Variants in TRPM1 observed in about 807,000 individuals in gnomAD.
The protein encoded by TRPM1 is TRPM1-203 APA Isoform, Intron 10.
Under a neutral mutation model 149.4 loss-of-function variants are expected in TRPM1, and 113 were observed. The ratio of observed to expected loss-of-function variants is 0.76; its 90% CI spans 0.65 to 0.88. The LOEUF (loss-of-function observed/expected upper bound fraction) is 0.88, where lower values mean the gene tolerates loss of function less well. Among genes scored for constraint, TRPM1 ranks in the 40% least tolerant of loss-of-function variants. The probability of loss-of-function intolerance (pLI) is 0.00; values close to 1 mark genes in which losing one functional copy is unlikely to be tolerated. For synonymous variants in TRPM1, 741 were observed against 759.5 expected (o/e 0.98, Z 0.40); for missense variants, 1,976 against 2,038.7 (o/e 0.97, Z 0.59).
At chr15:31,132,160 C>T (rs750774160) in intron 1 of TRPM1, among the ~76,000 whole-genome samples, 3 of 152,222 alleles carry the variant, frequency 2.0e-5, no homozygotes, top group Non-Finnish European at 4.4e-5. Context: ...TTGCATGGGC[C>T]TATTGGCAGC....
chr15:31,060,576 T>A lies in TRPM1; in HGVS notation c.1231A>T (p.Ser411Cys). Residue 411 changes from serine (S) to cysteine (C), a missense_variant, in exon 11 of 28, where the codon AGC (serine) becomes TGC (cysteine). Physicochemically the swap from Ser to Cys is moderately radical, Grantham distance 112. Around this residue, in one of 3 missense-constraint regions of TRPM1, gnomAD observed 1,332 missense variants for 1,347.1 expected, o/e 0.99. Transcript: ENST00000256552. The part of the protein sequence containing the change: ...LAWNRVDIAR[S>C]QIFVFGPHWP... ...TGGGGCCCAAAGACAAAGATCTGGC[T>A]TCGTGCTATGTCCACGCGGTTCCAA... The A allele has an allele frequency of 1.2e-6, 2 of 1,614,222 alleles. No individual in the cohort carries two copies. The highest frequency in any genetic ancestry group is 2.2e-5 in the South Asian group (2 of 91,082).
rs151283200 is a variant in TRPM1 at position 31,012,188 on chromosome 15, T to C, written c.3630-9118A>G. 9.3e-3 allele frequency among the ~76,000 whole-genome samples: 1,412 copies of C among 152,332 alleles called. 9 individuals are homozygous for C. Among genetic ancestry groups the C allele is most frequent in the Middle Eastern group, 0.031 (9 of 294 alleles). ...TTATAATGCCTTTTATATTTACCTA[T>C]GTAGTTAAATTTACTGGTCCTCTTT... is the stretch of plus-strand genomic sequence containing the variant. On this transcript the variant is annotated intron_variant, in intron 27 of 27. Transcript: ENST00000256552.
chr15:31,043,030 G>T (rs190160855), intron 16 of TRPM1, among the ~76,000 whole-genome samples: 128 of 152,338 alleles, frequency 8.4e-4, no homozygotes, highest in Non-Finnish European at 1.6e-3. Flanking sequence ...GACTCTGAGA[G>T]GTTGTGAATT....
intron 1 of TRPM1, among the ~76,000 whole-genome samples, chr15:31,087,765 C>T (rs1003280424): frequency 2.0e-5 from 3 of 152,102 alleles, no homozygotes; most frequent in Non-Finnish European, 2.9e-5. Flanking sequence ...AAGTCAGTCA[C>T]AAAAGGACAA....
rs760961274 is a variant in TRPM1 at position 31,040,348 on chromosome 15, T to G, written c.2088-2A>C. ...TCCAAAGCAAGCTGGCCGAAGTCTC[T>G]GGGGGGAAAGAGAAGGGACCAGGGT... On this transcript the variant is annotated splice_acceptor_variant, in intron 17 of 27. Coordinates refer to ENST00000256552, the MANE Select transcript of TRPM1 (RefSeq NM_001252024.2). LOFTEE classifies it high-confidence loss of function. The surrounding 1 kb of genome is among the most constrained non-coding windows in gnomAD (Gnocchi z 4.2). The G allele has an allele frequency of 3.7e-6, 6 of 1,613,402 alleles. No individual in the cohort carries two copies. The highest frequency in any genetic ancestry group is 1.1e-5 in the South Asian group (1 of 91,066).
At chr15:31,032,068 G>A (rs73370492) in intron 22 of TRPM1, among the ~76,000 whole-genome samples, 2,517 of 136,864 alleles carry the variant, frequency 0.018, 76 homozygotes, top group African/African-American at 0.066. Flanking sequence ...TAGTCTCATA[G>A]AACATCAAAT....
intron 27 of TRPM1, among the ~76,000 whole-genome samples, chr15:31,013,543 G>A (rs2032257844): frequency 1.3e-5 from 2 of 152,070 alleles, no homozygotes; most frequent in Admixed American, 6.6e-5. Context: ...GGATTCCTAA[G>A]GGATGGTTTT....
At chr15:31,058,730 G>A (rs774866372) in intron 11 of TRPM1, among the ~76,000 whole-genome samples, 47 of 152,144 alleles carry the variant, frequency 3.1e-4, no homozygotes, top group Non-Finnish European at 4.9e-4. Flanking sequence ...AGTCTGAAGC[G>A]GACAGAACAA....
At chr15:31,095,482 C>T (rs571386721) in intron 1 of TRPM1, among the ~76,000 whole-genome samples, 5 of 151,704 alleles carry the variant, frequency 3.3e-5, no homozygotes, top group East Asian at 3.9e-4. Flanking sequence ...GTCAGGAGTT[C>T]GAGACCAGCC....
intron 1 of TRPM1, among the ~76,000 whole-genome samples, chr15:31,134,440 G>T (rs780102117): frequency 9.9e-5 from 15 of 152,152 alleles, no homozygotes; most frequent in Non-Finnish European, 1.8e-4. Context: ...TTTTGCAAGG[G>T]AAATTTAAAT....
intron 12 of TRPM1, 116 bp from the exon 13 acceptor site, chr15:31,049,625 G>T: frequency 1.7e-6 from 2 of 1,161,842 alleles, no homozygotes; most frequent in Non-Finnish European, 2.6e-6. Context: ...GAGCACTCCA[G>T]CATGGTACTC....
chr15:31,127,837 T>C (rs942304213), intron 1 of TRPM1, among the ~76,000 whole-genome samples: 2 of 152,084 alleles, frequency 1.3e-5, no homozygotes, highest in South Asian at 4.1e-4. Flanking sequence ...TCCCAGAGGA[T>C]GAGAAACAAG....
chr15:31,153,879 A>T (rs2036335038), intron 1 of TRPM1, among the ~76,000 whole-genome samples: 1 of 152,216 alleles, frequency 6.6e-6, no homozygotes, highest in African/African-American at 2.4e-5. Flanking sequence ...GGTCCCTTGG[A>T]CAAGGCTTCC....
intron 1 of TRPM1, among the ~76,000 whole-genome samples, chr15:31,131,545 G>T (rs1380844903): frequency 6.6e-6 from 1 of 152,238 alleles, no homozygotes; most frequent in African/African-American, 2.4e-5. Context: ...CATTACATTT[G>T]TGGGTGGAAG....
intron 6 of TRPM1, among the ~76,000 whole-genome samples, chr15:31,066,663 C>T (rs2034384981): frequency 6.6e-6 from 1 of 152,014 alleles, no homozygotes; most frequent in Non-Finnish European, 1.5e-5. Flanking sequence ...GACGCGTGTT[C>T]AGAGAACTAT....
chr15:31,119,099 G>T (rs2035841415), intron 1 of TRPM1, among the ~76,000 whole-genome samples: 1 of 151,928 alleles, frequency 6.6e-6, no homozygotes, highest in Admixed American at 6.6e-5. Context: ...AAATTAGCTG[G>T]GCATGGTGGT....
intron 1 of TRPM1, among the ~76,000 whole-genome samples, chr15:31,158,429 C>A (rs976510809): frequency 2.6e-5 from 4 of 151,964 alleles, no homozygotes; most frequent in African/African-American, 9.7e-5. Flanking sequence ...AGATTGAGAC[C>A]ATCCTGGCTA....
At chr15:31,148,650 C>T (rs1329327277) in intron 1 of TRPM1, among the ~76,000 whole-genome samples, 1 of 152,184 alleles carries the variant, frequency 6.6e-6, no homozygotes, top group Non-Finnish European at 1.5e-5. Flanking sequence ...TGGCATGCAC[C>T]TGTCTATTTC....
At chr15:31,004,919 T>C (rs1169188616) in intron 27 of TRPM1, among the ~76,000 whole-genome samples, 1 of 151,996 alleles carries the variant, frequency 6.6e-6, no homozygotes, top group African/African-American at 2.4e-5. Flanking sequence ...CTGGCCAATA[T>C]GGTGAAACCC....
Sources: gnomAD v4.1 joint callset for allele counts (sites outside exome capture counted in the v4.1 genomes callset) on GRCh38, gnomAD v4.1.1 for gene constraint, gnomAD v4.1.1 regional missense constraint, Gnocchi (gnomAD v3.1) non-coding constraint, MANE v1.5 for transcripts, NCBI Gene and HGNC (gene_info 2026-07-23, HGNC 2026-07-21) for gene names.